Variants in SSBP2 observed in about 807,000 individuals in gnomAD.
SSBP2 encodes single-stranded DNA-binding protein 2.
SSBP2 carries 17 observed loss-of-function variants against 61.8 expected under a neutral mutation model. The ratio of observed to expected loss-of-function variants is 0.28; its 90% CI spans 0.19 to 0.41. The LOEUF is 0.41. Ranked by LOEUF, SSBP2 falls within the 10% of genes least tolerant of loss-of-function variation. The probability of loss-of-function intolerance (pLI) is 1.00; values close to 1 mark genes in which losing one functional copy is unlikely to be tolerated. For synonymous variants in SSBP2, 139 were observed against 141.3 expected (o/e 0.98, Z 0.12); for missense variants, 310 against 458.7 (o/e 0.68, Z 2.96).
At chr5:81,485,172 T>G in intron 6 of SSBP2, among the ~76,000 whole-genome samples, 1 of 152,244 alleles carries the variant, frequency 6.6e-6, no homozygotes, top group South Asian at 2.1e-4. Context: ...CTTCTGAGAG[T>G]TGAACCAATT....
chr5:81,721,115 T>C (rs1389926517), intron 1 of SSBP2, among the ~76,000 whole-genome samples: 2 of 152,108 alleles, frequency 1.3e-5, no homozygotes, highest in Non-Finnish European at 2.9e-5. Context: ...GTAGGAAACC[T>C]AAAATCTGTC....
intron 5 of SSBP2, among the ~76,000 whole-genome samples, chr5:81,505,066 C>T (rs1243254720): frequency 6.6e-6 from 1 of 152,210 alleles, no homozygotes; most frequent in African/African-American, 2.4e-5. Context: ...CCCTTTGGAT[C>T]TCTCATAGGC....
rs1453692261 is a variant in SSBP2 at position 81,445,138 on chromosome 5, T to TATATATATATATATATA, written c.778+1729_778+1730insTATATATATATATATAT. On this transcript the variant is annotated intron_variant, in intron 12 of 16. Coordinates refer to ENST00000320672, the MANE Select transcript of SSBP2 (RefSeq NM_012446.5). ...TGTCTCAGCAAAGAAAAAAAAAATT[T>TATATATATATATATATA]TATATATATATATATATATATATAT... Among the ~76,000 whole-genome samples the TATATATATATATATATA allele has an allele frequency of 2.7e-4, 9 of 33,890 alleles. 1 individual carries two copies. The highest frequency in any genetic ancestry group is 1.4e-3 in the South Asian group (1 of 730). 22.2% of individuals were successfully genotyped at this position (33,890 alleles called of 152,430 possible).
chr5:81,693,202 TAAAAA>T (rs34403567), intron 1 of SSBP2, among the ~76,000 whole-genome samples: 3 of 116,148 alleles, frequency 2.6e-5, no homozygotes, highest in African/African-American at 3.3e-5. Flanking sequence ...GACTTTGTCT[TAAAAA>T]AAAAAAAAAA....
chr5:81,720,140 T>G (rs1164733346), intron 1 of SSBP2, among the ~76,000 whole-genome samples: 2 of 152,180 alleles, frequency 1.3e-5, no homozygotes, highest in Admixed American at 1.3e-4. Flanking sequence ...CAGATTGTAC[T>G]TCTGGGCTCA....
intron 16 of SSBP2, among the ~76,000 whole-genome samples, chr5:81,422,875 T>A (rs1459914280): frequency 6.6e-6 from 1 of 152,214 alleles, no homozygotes; most frequent in African/African-American, 2.4e-5. Flanking sequence ...CACCATTTCA[T>A]CATCACAAAC....
chr5:81,440,750 G>T, intron 13 of SSBP2, 114 bp from the exon 14 acceptor site: 2 of 703,778 alleles, frequency 2.8e-6, no homozygotes, highest in Non-Finnish European at 4.6e-6. Flanking sequence ...TTACTTTCAA[G>T]CTATGGAGAT....
chr5:81,689,293 G>C (rs1464204688), intron 1 of SSBP2, among the ~76,000 whole-genome samples: 1 of 152,016 alleles, frequency 6.6e-6, no homozygotes, highest in Non-Finnish European at 1.5e-5. Context: ...AAGAGATAAG[G>C]GTAGAGACTA....
Position 81,415,443 on chromosome 5 carries a change from T to G in SSBP2, c.*5061A>C, listed in dbSNP as rs1369436448. ...ACTTATAATACCTAATACAATGTAT[T>G]ATAAATGCCATGGAAATCATTGTTA... is the stretch of plus-strand genomic sequence containing the variant. On this transcript the variant is annotated 3_prime_UTR_variant, in exon 17 of 17. Transcript: ENST00000320672. 1 of 152,200 alleles carries G rather than the reference T, an allele frequency of 6.6e-6. No homozygotes were observed. The highest frequency in any genetic ancestry group is 1.5e-5 in the Non-Finnish European group (1 of 68,026). The allele number at this position is 152,200 out of a possible 1,614,324, so 9.4% of individuals were successfully genotyped here.
chr5:81,695,735 T>C (rs1753556249), intron 1 of SSBP2, among the ~76,000 whole-genome samples: 1 of 152,180 alleles, frequency 6.6e-6, no homozygotes, highest in Admixed American at 6.5e-5. Context: ...GTTTCCTTTT[T>C]AGATTATTAT....
intron 12 of SSBP2, 86 bp from the exon 13 acceptor site, chr5:81,442,809 T>C (rs1763119464): frequency 1.6e-6 from 1 of 644,692 alleles, no homozygotes; most frequent in Non-Finnish European, 2.6e-6. Flanking sequence ...ATGGTTTGCA[T>C]ACAGATACCT....
At chr5:81,449,090 T>C (rs1469885441) in intron 10 of SSBP2, among the ~76,000 whole-genome samples, 1 of 152,218 alleles carries the variant, frequency 6.6e-6, no homozygotes, top group African/African-American at 2.4e-5. Flanking sequence ...AAGTTGTGCA[T>C]ATTGCATGAT....
At chr5:81,625,075 T>C (rs1421846263) in intron 3 of SSBP2, among the ~76,000 whole-genome samples, 4 of 152,172 alleles carry the variant, frequency 2.6e-5, no homozygotes, top group Non-Finnish European at 4.4e-5. Context: ...TAAGGTTATA[T>C]AGTATATATA....
intron 4 of SSBP2, among the ~76,000 whole-genome samples, chr5:81,612,392 C>G (rs901198306): frequency 5.9e-5 from 9 of 152,010 alleles, no homozygotes; most frequent in Admixed American, 4.6e-4. Flanking sequence ...GAAATTTAAT[C>G]TGTTTTAAAG....
chr5:81,646,651 G>A (rs1205445538), intron 2 of SSBP2, among the ~76,000 whole-genome samples: 3 of 144,542 alleles, frequency 2.1e-5, no homozygotes, highest in Non-Finnish European at 4.5e-5. Context: ...TAGGGCAAAA[G>A]GGCACCAAGA....
rs1765412374 is a variant in SSBP2 at position 81,473,811 on chromosome 5, A to C, written c.500-41T>G. The C allele has an allele frequency of 2.5e-6, 4 of 1,573,980 alleles. No homozygotes were observed. In the African/African-American group the frequency reaches 4.0e-5, roughly 16 times the overall value. ...AGACATTAGCAAAGTAATGAGCATGAGTACTAAACCAGAGGCTAGCAGCTT... is the reference window on the plus strand; with the variant it reads ...AGACATTAGCAAAGTAATGAGCATGCGTACTAAACCAGAGGCTAGCAGCTT... On this transcript the variant is annotated intron_variant, in intron 7 of 16. Coordinates refer to ENST00000320672, the MANE Select transcript of SSBP2 (RefSeq NM_012446.5).
At chr5:81,578,541 A>C (rs950503377) in intron 4 of SSBP2, among the ~76,000 whole-genome samples, 4 of 152,020 alleles carry the variant, frequency 2.6e-5, no homozygotes, top group African/African-American at 9.7e-5. Context: ...AAAAGTATCA[A>C]AGGAACAAAA....
chr5:81,626,987 A>T (rs1037576888), intron 3 of SSBP2, among the ~76,000 whole-genome samples: 1 of 152,222 alleles, frequency 6.6e-6, no homozygotes, highest in African/African-American at 2.4e-5. Flanking sequence ...AATAAATGTT[A>T]TGTATTTTAC....
intron 1 of SSBP2, among the ~76,000 whole-genome samples, chr5:81,692,709 T>C (rs570316537): frequency 6.6e-6 from 1 of 152,236 alleles, no homozygotes; most frequent in Admixed American, 6.5e-5. Flanking sequence ...TCCATACATC[T>C]ACAGTGAACT....
Sources: allele counts gnomAD v4.1 joint callset (sites outside exome capture counted in the v4.1 genomes callset), GRCh38; gene constraint gnomAD v4.1.1; transcripts MANE v1.5; gene names NCBI Gene and HGNC (gene_info 2026-07-23, HGNC 2026-07-21).